Variants in SCARB2 observed in about 807,000 individuals in gnomAD.
SCARB2 encodes the protein lysosome membrane protein 2.
Under a neutral mutation model 58.6 loss-of-function variants are expected in SCARB2, and 29 were observed. The observed-to-expected ratio is 0.49, with a 90% confidence interval of 0.37 to 0.67. The LOEUF (loss-of-function observed/expected upper bound fraction) is 0.67, where lower values mean the gene tolerates loss of function less well. Ranked by LOEUF, SCARB2 falls within the 30% of genes least tolerant of loss-of-function variation. The pLI, the probability that SCARB2 is intolerant of heterozygous loss-of-function variation, is 0.00. For missense variants in SCARB2, 488 were observed against 578.5 expected, an observed-to-expected ratio of 0.84 and a Z score of 1.60; for synonymous variants, 195 against 210.1, an observed-to-expected ratio of 0.93 and a Z score of 0.62.
chr4:76,211,481 C>T (rs7697073), intron 1 of SCARB2, among the ~76,000 whole-genome samples: 64,472 of 152,076 alleles, frequency 0.42, 14,400 homozygotes, highest in East Asian at 0.66. Context: ...TTGCTATCAC[C>T]TATTAAGCAC....
In SCARB2 at chr4:76,203,125, C is replaced by T. The variant is rs7674152; in HGVS notation, c.118-7261G>A. Among the ~76,000 whole-genome samples the T allele has an allele frequency of 8.4e-3, 1,272 of 152,238 alleles. 16 individuals are homozygous for T. Among genetic ancestry groups the T allele is most frequent in the African/African-American group, 0.029 (1,207 of 41,514 alleles). On this transcript the variant is annotated intron_variant, in intron 1 of 11. Transcript: ENST00000264896. ...GAGTAGCTGGGATTACAGGTGCACA[C>T]CACTACACCCAGCTACTTTTTGTAT...
upstream of SCARB2, chr4:76,213,880 A>C (rs967582638): frequency 6.2e-5 from 11 of 176,128 alleles, no homozygotes; most frequent in Non-Finnish European, 1.2e-4. Context: ...CAACCCCGCG[A>C]GGCAACCGCC....
At chr4:76,217,628 C>T (rs1489127196), upstream of SCARB2, 5 of 646,818 alleles carry the variant, frequency 7.7e-6, no homozygotes, top group East Asian at 2.8e-5. Flanking sequence ...CTGTGCCGTG[C>T]GTCTTGTCCA....
intron 3 of SCARB2, chr4:76,180,012 A>G: frequency 2.4e-6 from 1 of 409,790 alleles, no homozygotes; most frequent in South Asian, 2.2e-5. Flanking sequence ...TTTGGCCACA[A>G]GGTGGCGCTA....
intron 5 of SCARB2, 23 bp from the exon 6 acceptor site, chr4:76,175,933 A>G: frequency 7.4e-6 from 12 of 1,612,834 alleles, no homozygotes; most frequent in Non-Finnish European, 8.5e-6. Context: ...AGCACAAGAA[A>G]GAGTAAAGAT....
At chr4:76,196,756 C>A (rs1453725281) in intron 1 of SCARB2, among the ~76,000 whole-genome samples, 1 of 152,220 alleles carries the variant, frequency 6.6e-6, no homozygotes, top group African/African-American at 2.4e-5. Context: ...CCTAGCCTCA[C>A]TGAGGTTAGC....
chr4:76,213,363 G>A (rs941064313), intron 1 of SCARB2, 64 bp downstream of exon 1: 473 of 1,087,502 alleles, frequency 4.3e-4, no homozygotes, highest in Non-Finnish European at 8.6e-5. Flanking sequence ...ACAAGATGTA[G>A]CAGCAGGGAT....
At chr4:76,174,052 T>G in intron 7 of SCARB2, 92 bp downstream of exon 7, 2 of 1,476,272 alleles carry the variant, frequency 1.4e-6, no homozygotes, top group Non-Finnish European at 1.9e-6. Flanking sequence ...ACTGTAGGTG[T>G]GCGCCACTAC....
intron 7 of SCARB2, among the ~76,000 whole-genome samples, chr4:76,171,197 C>T (rs1275350296): frequency 6.6e-6 from 1 of 152,072 alleles, no homozygotes; most frequent in Non-Finnish European, 1.5e-5. Flanking sequence ...TGAATAGTTC[C>T]ACAAAGGCAT....
At position 76,163,265 on chromosome 4, in the gene SCARB2, A is replaced by T. The variant is rs1731935813; in HGVS notation, c.1358T>A (p.Phe453Tyr). ...CTGTCCTTTGCATGCAAGCCAGGTA[A>T]AAACCAAACCAAAGAACACACCCAG... ...MALGVFFGLV[F>Y]TWLACKGQGS... Residue 453 changes from phenylalanine to tyrosine, a missense_variant, in exon 11 of 12, where the codon TTT (phenylalanine) becomes TAT (tyrosine). By Grantham distance (22) the Phe-to-Tyr change is conservative (BLOSUM62 3). Coordinates refer to ENST00000264896, the MANE Select transcript of SCARB2 (RefSeq NM_005506.4). The T allele has an allele frequency of 2.5e-6, 4 of 1,614,186 alleles. No homozygotes were observed. In the East Asian group the frequency reaches 8.9e-5, roughly 36 times the overall value.
chr4:76,163,091 C>A, intron 11 of SCARB2, 134 bp downstream of exon 11: 1 of 1,160,390 alleles, frequency 8.6e-7, no homozygotes, highest in Non-Finnish European at 1.3e-6. Context: ...AAAATAAGCA[C>A]GAAATCACTA....
At chr4:76,163,043 T>C in intron 11 of SCARB2, 182 bp downstream of exon 11, 1 of 719,674 alleles carries the variant, frequency 1.4e-6, no homozygotes, top group Admixed American at 2.2e-5. Context: ...TCCACCTTCT[T>C]TGACACACTT....
At chr4:76,179,791 G>A (rs1472992013) in intron 3 of SCARB2, 86 bp from the exon 4 acceptor site, 2 of 1,024,016 alleles carry the variant, frequency 2.0e-6, no homozygotes, top group East Asian at 4.7e-5. Flanking sequence ...AGCAAAGGGG[G>A]TTGGAAATAT....
upstream of SCARB2, chr4:76,214,520 C>T (rs964953364): frequency 8.6e-6 from 3 of 347,832 alleles, no homozygotes; most frequent in Non-Finnish European, 1.7e-5. Flanking sequence ...GGGGTGGAGT[C>T]GGAGGTGTTG....
intron 1 of SCARB2, among the ~76,000 whole-genome samples, chr4:76,230,511 G>C (rs1733474460): frequency 6.6e-6 from 1 of 152,174 alleles, no homozygotes; most frequent in South Asian, 2.1e-4. Flanking sequence ...ATGGGCCATG[G>C]CTCCTGTGCT....
intron 1 of SCARB2, among the ~76,000 whole-genome samples, chr4:76,231,035 C>A (rs745799527): frequency 1.3e-5 from 2 of 152,100 alleles, no homozygotes; most frequent in African/African-American, 2.4e-5. Context: ...GAGTTTGGAA[C>A]AAAAATGTGT....
intron 1 of SCARB2, among the ~76,000 whole-genome samples, chr4:76,211,867 A>C (rs1217501441): frequency 6.6e-6 from 1 of 152,232 alleles, no homozygotes; most frequent in Non-Finnish European, 1.5e-5. Context: ...AGCAGCTCTG[A>C]AAGTCCACTT....
intron 7 of SCARB2, chr4:76,173,283 T>C (rs923102059): frequency 8.6e-5 from 13 of 152,038 alleles, no homozygotes; most frequent in Middle Eastern, 3.4e-3. Flanking sequence ...ATCTTTGCCA[T>C]GATACGTACT....
chr4:76,196,224 G>C (rs971793864), intron 1 of SCARB2, among the ~76,000 whole-genome samples: 1 of 152,194 alleles, frequency 6.6e-6, no homozygotes, highest in East Asian at 1.9e-4. Flanking sequence ...GTGGTGGTGC[G>C]TGCCTGTAAT....
Sources: gnomAD v4.1 joint callset for allele counts (sites outside exome capture counted in the v4.1 genomes callset) on GRCh38, gnomAD v4.1.1 for gene constraint, MANE v1.5 for transcripts, NCBI Gene and HGNC (gene_info 2026-07-23, HGNC 2026-07-21) for gene names.